WDR13: variants seen among roughly 807,000 people sequenced by gnomAD.
WDR13 encodes WD repeat domain 13.
WDR13 carries 1 observed loss-of-function variant against 28.6 expected under a neutral mutation model. The ratio of observed to expected loss-of-function variants is 0.03; its 90% confidence interval spans 0.01 to 0.17. The LOEUF is 0.17. WDR13 is among the 10% of genes least tolerant of loss of function. WDR13 has a pLI of 1.00. For missense variants in WDR13, 264 were observed against 469.3 expected, an observed-to-expected ratio of 0.56 and a Z score of 4.04; for synonymous variants, 201 against 185.9, an observed-to-expected ratio of 1.08 and a Z score of -0.66.
chrX:48,602,107 G>T lies in WDR13; in HGVS notation c.1055G>T (p.Ser352Ile), dbSNP rs782376953. 2 of 1,210,087 alleles carry T rather than the reference G, an allele frequency of 1.7e-6. No individual in the cohort carries two copies. The highest frequency in any genetic ancestry group is 3.5e-5 in the African/African-American group (2 of 57,280). The change falls in exon 8 of 10, where the codon AGC becomes ATC. Residue 352 changes from serine to isoleucine, a missense_variant. Ser to Ile is a moderately radical substitution (Grantham distance 142, BLOSUM62 -2). Coordinates refer to ENST00000376729, the MANE Select transcript of WDR13 (RefSeq NM_001347217.2). Reference protein sequence around the residue: ...KAKRLVVHEGSPVTSISARSW... With the variant: ...KAKRLVVHEGIPVTSISARSW... Reference sequence around the variant, plus strand: ...AAGCGTTTGGTGGTGCATGAGGGGAGCCCTGTGACCAGCATCTCAGCCCGG... The same window carrying T: ...AAGCGTTTGGTGGTGCATGAGGGGATCCCTGTGACCAGCATCTCAGCCCGG...
In WDR13 at chrX:48,602,212, T is replaced by TC. The variant is rs782317379; in HGVS notation, c.1154+11dup. 18 of 1,201,765 alleles carry TC rather than the reference T, an allele frequency of 1.5e-5. No homozygotes were observed. The African/African-American group carries it at 3.0e-4, about 20-fold the overall frequency. On this transcript the variant is annotated splice_region_variant and intron_variant, in intron 8 of 9. Transcript: ENST00000376729. ...AACAAGTTGCTGCTCTACAGGTGGG[T>TC]CCCCCATCAGGGCCTCCTGGAGACG... is the stretch of plus-strand genomic sequence containing the variant.
rs1569488697 is a variant in WDR13 at position 48,602,093 on chromosome X, G to A, written c.1041G>A (p.Val347=). The A allele has an allele frequency of 1.7e-6, 2 of 1,211,650 alleles. No homozygotes were observed. Among genetic ancestry groups the A allele is most frequent in the Non-Finnish European group, 2.2e-6 (2 of 895,319 alleles). The change falls in exon 8 of 10, where the codon GTG becomes GTA. Residue 347 remains valine, a synonymous_variant. Coordinates refer to ENST00000376729, the MANE Select transcript of WDR13 (RefSeq NM_001347217.2). The part of the protein sequence containing the change: ...TGKLTKAKRL[V]VHEGSPVTSI... ...AGCTGACCAAAGCCAAGCGTTTGGT[G>A]GTGCATGAGGGGAGCCCTGTGACCA...
Position 48,600,429 on chromosome X carries a change from G to C in WDR13, c.634G>C (p.Val212Leu), listed in dbSNP as rs782050552. Residue 212 changes from valine to leucine, a missense_variant, in exon 6 of 10, where the codon GTG (valine) becomes CTG (leucine). Val to Leu is a conservative substitution (Grantham distance 32). This residue lies in a region of WDR13 where 157 missense variants were observed against 270.2 expected (regional missense o/e 0.58). Transcript: ENST00000376729. ...LVPAPPTVLR[V>L]LRGHTRGVSD... ...GCCTGCCCCACCCACAGTGCTTCGC[G>C]TGCTACGGGGCCACACCCGTGGTGT... The C allele has an allele frequency of 1.6e-6, 2 of 1,212,227 alleles. No homozygotes were observed. Among genetic ancestry groups the C allele is most frequent in the South Asian group, 3.5e-5 (2 of 57,062 alleles).
rs143957981 is a variant in WDR13, at chrX:48,601,474, G to A, written c.832-310G>A. Reference sequence around the variant, plus strand: ...CAGAAAGGAGCAGCCAGGGAGCAGGGGAAAGCTGGGATCACAGGCCTAGGC... The same window carrying A: ...CAGAAAGGAGCAGCCAGGGAGCAGGAGAAAGCTGGGATCACAGGCCTAGGC... On this transcript the variant is annotated intron_variant, in intron 6 of 9. Transcript: ENST00000376729. 3.6e-3 allele frequency among the ~76,000 whole-genome samples: 401 copies of A among 112,337 alleles called. 3 individuals carry two copies. The highest frequency in any genetic ancestry group is 0.012 in the African/African-American group (383 of 31,005).
chrX:48,598,651 C>A (rs1362276858), intron 2 of WDR13, 66 bp from the exon 3 acceptor site: 21 of 912,134 alleles, frequency 2.3e-5, no homozygotes, highest in Middle Eastern at 4.7e-4. Context: ...GCCGTACCCC[C>A]CCCCCCGAGC....
chrX:48,600,951 C>T (rs235848), intron 6 of WDR13, among the ~76,000 whole-genome samples: 52,346 of 110,253 alleles, frequency 0.47, 9,719 homozygotes, highest in Middle Eastern at 0.59. Flanking sequence ...AAAAATTAGC[C>T]GGGCATGGTG....
At chrX:48,599,964 G>A (rs782116325) in intron 5 of WDR13, 1 of 445,336 alleles carries the variant, frequency 2.2e-6, no homozygotes, top group South Asian at 3.9e-5. Flanking sequence ...TCACTTGGAA[G>A]AGTTCAAAGC....
chrX:48,605,326 G>A lies in WDR13; in HGVS notation c.*294G>A. ...TTATGCATTCGATAGACATTAGTGA[G>A]CCCTGACCGTGTGCCAGGAACTGTT... On this transcript the variant is annotated 3_prime_UTR_variant, in exon 10 of 10. Transcript: ENST00000376729. 1 of 317,011 alleles carries A rather than the reference G, an allele frequency of 3.2e-6. No homozygotes were observed. The highest frequency in any genetic ancestry group is 5.7e-6 in the Non-Finnish European group (1 of 176,894). The allele number at this position is 317,011 out of a possible 1,213,427, so 26.1% of individuals were successfully genotyped here.
chrX:48,598,001 C>G lies in WDR13; in HGVS notation c.5C>G (p.Ala2Gly). Residue 2 changes from alanine to glycine, a missense_variant, in exon 2 of 10, where the codon GCC becomes GGC. Ala to Gly is a moderately conservative substitution (Grantham distance 60). Transcript: ENST00000376729. M[A>G]AVWQQVLAVD... ...GCCAGAGGAGGAGGCCGGGGAATGG[C>G]CGCGGTGTGGCAGCAAGTCTTAGCA... 8.6e-7 allele frequency: 1 copy of G among 1,165,776 alleles called. No homozygotes were observed. Among genetic ancestry groups the G allele is most frequent in the Non-Finnish European group, 1.1e-6 (1 of 872,209 alleles).
chrX:48,599,515 C>T lies in WDR13; in HGVS notation c.392+53C>T, dbSNP rs184824565. On this transcript the variant is annotated intron_variant, in intron 4 of 9. Transcript: ENST00000376729. ...GGGCGGGTTGCGAGGAGGAGAGGGG[C>T]CCTGGGGCAATGGCAGACTGAACAC... 4.6e-5 allele frequency: 55 copies of T among 1,205,371 alleles called. 1 individual carries two copies. In the Admixed American group the frequency reaches 6.6e-4, roughly 14 times the overall value.
chrX:48,600,063 G>A (rs1569488283), intron 5 of WDR13: 2 of 419,993 alleles, frequency 4.8e-6, no homozygotes, highest in Non-Finnish European at 8.1e-6. Context: ...ATTATAAAGT[G>A]TTCGCTAAGA....
chrX:48,605,062 T>TCCCAC lies in WDR13; in HGVS notation c.*34_*38dup. On this transcript the variant is annotated 3_prime_UTR_variant, in exon 10 of 10. Coordinates refer to ENST00000376729, the MANE Select transcript of WDR13 (RefSeq NM_001347217.2). ...CTGTCGGCCCTGCTGCTGTCCTCCA[T>TCCCAC]CCCACCCCTCTTACTCCAGCCTCGT... 8.5e-7 allele frequency: 1 copy of TCCCAC among 1,182,394 alleles called. No homozygotes were observed. Among genetic ancestry groups the TCCCAC allele is most frequent in the Admixed American group, 2.3e-5 (1 of 44,198 alleles).
chrX:48,598,795 G>A lies in WDR13; in HGVS notation c.120G>A (p.Glu40=). The change falls in exon 3 of 10, where the codon GAG becomes GAA. Residue 40 remains glutamate, a synonymous_variant. Coordinates refer to ENST00000376729, the MANE Select transcript of WDR13 (RefSeq NM_001347217.2). ...GCCGGCGCAGCCAGCTGCTGCGGGA[G>A]AATGCCAAGGCTGGGCACCCCCCAG... ...YIRRRSQLLR[E]NAKAGHPPAL... is the part of the protein sequence containing the mutation. 1 of 1,207,514 alleles carries A rather than the reference G, an allele frequency of 8.3e-7. No individual in the cohort carries two copies. Among genetic ancestry groups the A allele is most frequent in the Non-Finnish European group, 1.1e-6 (1 of 893,252 alleles).
At position 48,607,794 on chromosome X, in the gene WDR13, G is replaced by C. The variant is rs1157190100; in HGVS notation, c.*2762G>C. ...TTTTTTTTTTTTTTTAATTGAGACG[G>C]AGTCTCGCTTTGTCGCCAGGCTGGA... On this transcript the variant is annotated 3_prime_UTR_variant, in exon 10 of 10. Transcript: ENST00000376729. 3 of 106,196 alleles carry C rather than the reference G, an allele frequency of 2.8e-5. No homozygotes were observed. The highest frequency in any genetic ancestry group is 5.8e-5 in the Non-Finnish European group (3 of 51,644). The allele number at this position is 106,196 out of a possible 1,213,427, so 8.8% of individuals were successfully genotyped here.
rs1556996413 is a variant in WDR13, at chrX:48,608,410, C to T, written c.*3378C>T. ...GCGTTACAGGTGTGAGCCACCACAC[C>T]CGGCCCGAGTGAGCCATTCTTATCT... On this transcript the variant is annotated 3_prime_UTR_variant, in exon 10 of 10. Coordinates refer to ENST00000376729, the MANE Select transcript of WDR13 (RefSeq NM_001347217.2). The T allele has an allele frequency of 8.9e-6, 1 of 111,777 alleles. No homozygotes were observed. Among genetic ancestry groups the T allele is most frequent in the Non-Finnish European group, 1.9e-5 (1 of 53,172 alleles). 9.2% of individuals were successfully genotyped at this position (111,777 alleles called of 1,213,427 possible).
chrX:48,602,812 C>T (rs1409264966), intron 8 of WDR13, among the ~76,000 whole-genome samples: 1 of 110,188 alleles, frequency 9.1e-6, no homozygotes, highest in African/African-American at 3.3e-5. Context: ...TTATTTCTCT[C>T]CTCCTTTTTA....
At chrX:48,599,833 A>T (rs1282018910) in intron 5 of WDR13, 116 bp downstream of exon 5, 1 of 1,054,538 alleles carries the variant, frequency 9.5e-7, no homozygotes, top group Non-Finnish European at 1.3e-6. Flanking sequence ...AGGAATGACC[A>T]TCCATAAAGC....
At chrX:48,603,645 C>T (rs1160987309) in intron 8 of WDR13, among the ~76,000 whole-genome samples, 3 of 110,732 alleles carry the variant, frequency 2.7e-5, no homozygotes, top group Non-Finnish European at 5.7e-5. Context: ...CAGACTCCAT[C>T]TCTTAAAAAA....
chrX:48,608,777 A>T lies in WDR13; in HGVS notation c.*3745A>T, dbSNP rs2062236028. The T allele has an allele frequency of 9.0e-6, 1 of 111,356 alleles. No individual in the cohort carries two copies. The highest frequency in any genetic ancestry group is 3.3e-5 in the African/African-American group (1 of 30,599). 9.2% of individuals were successfully genotyped at this position (111,356 alleles called of 1,213,427 possible). On this transcript the variant is annotated 3_prime_UTR_variant, in exon 10 of 10. Coordinates refer to ENST00000376729, the MANE Select transcript of WDR13 (RefSeq NM_001347217.2). The stretch of plus-strand genomic sequence containing the variant: ...TTTGAGGTGGCAGATTTGACATTCT[A>T]CTTTAAACTCATCTTGGTGGCACTT...
Sources: gnomAD v4.1 joint callset for allele counts (sites outside exome capture counted in the v4.1 genomes callset) on GRCh38, gnomAD v4.1.1 for gene constraint, gnomAD v4.1.1 regional missense constraint, MANE v1.5 for transcripts, NCBI Gene and HGNC (gene_info 2026-07-23, HGNC 2026-07-21) for gene names.